NRXN3: variants seen among roughly 807,000 people sequenced by gnomAD.
NRXN3 encodes the protein neurexin III.
A neutral mutation model predicts 137.6 loss-of-function variants in NRXN3; 32 were observed. The ratio of observed to expected loss-of-function variants is 0.23; its 90% CI spans 0.18 to 0.31. NRXN3 has a LOEUF of 0.31. Among genes scored for constraint, NRXN3 ranks in the 10% least tolerant of loss-of-function variants. The pLI, the probability that NRXN3 is intolerant of heterozygous loss-of-function variation, is 1.00. For synonymous variants in NRXN3, 798 were observed against 784.5 expected, an observed-to-expected ratio of 1.02 and a Z score of -0.29; for missense variants, 1,574 against 2,062.5, an observed-to-expected ratio of 0.76 and a Z score of 4.59.
At chr14:78,749,183 T>C (rs2098629173) in intron 8 of NRXN3, among the ~76,000 whole-genome samples, 2 of 152,218 alleles carry the variant, frequency 1.3e-5, no homozygotes, top group African/African-American at 4.8e-5. Context: ...CTGGCTCTAC[T>C]GTGGGCCTCC....
chr14:78,549,168 G>A (rs1013170038), intron 4 of NRXN3, among the ~76,000 whole-genome samples: 4 of 152,236 alleles, frequency 2.6e-5, no homozygotes, highest in South Asian at 4.1e-4. Context: ...GAGAAGCCAG[G>A]TCCAACCTAA....
intron 2 of NRXN3, among the ~76,000 whole-genome samples, chr14:78,251,475 G>A (rs986327795): frequency 6.6e-6 from 1 of 152,168 alleles, no homozygotes; most frequent in Non-Finnish European, 1.5e-5. Context: ...TAAGCAACAG[G>A]TCCCACCTCT....
At chr14:78,675,975 G>T (rs1256265512) in intron 6 of NRXN3, among the ~76,000 whole-genome samples, 1 of 151,968 alleles carries the variant, frequency 6.6e-6, no homozygotes, top group East Asian at 1.9e-4. Flanking sequence ...ATTGTTTTGG[G>T]GTGCCATCAC....
chr14:79,569,722 C>G (rs979149112), intron 16 of NRXN3, among the ~76,000 whole-genome samples: 4 of 151,792 alleles, frequency 2.6e-5, no homozygotes, highest in African/African-American at 4.8e-5. Flanking sequence ...GATTCTCATG[C>G]CTCAGCCTCC....
At chr14:78,575,537 A>T (rs1239901949) in intron 4 of NRXN3, among the ~76,000 whole-genome samples, 1 of 152,252 alleles carries the variant, frequency 6.6e-6, no homozygotes, top group African/African-American at 2.4e-5. Context: ...TGGTTCATTC[A>T]TGCAACAAAT....
intron 9 of NRXN3, among the ~76,000 whole-genome samples, chr14:78,805,058 A>T (rs905950779): frequency 3.3e-5 from 5 of 152,188 alleles, no homozygotes; most frequent in African/African-American, 1.2e-4. Flanking sequence ...TACCAATCTT[A>T]TCTGCTGTCA....
At chr14:79,628,195 T>C (rs1435752746) in intron 16 of NRXN3, among the ~76,000 whole-genome samples, 4 of 152,226 alleles carry the variant, frequency 2.6e-5, no homozygotes, top group Non-Finnish European at 5.9e-5. Context: ...ATGTTTTATA[T>C]GATCAATTCA....
intron 10 of NRXN3, among the ~76,000 whole-genome samples, chr14:78,815,325 C>A (rs1195372201): frequency 5.9e-5 from 9 of 152,120 alleles, no homozygotes; most frequent in Non-Finnish European, 1.2e-4. Context: ...CCTATATAAG[C>A]TGATACCTTT....
intron 16 of NRXN3, among the ~76,000 whole-genome samples, chr14:79,534,964 T>C (rs112850754): frequency 5.2e-4 from 79 of 152,272 alleles, no homozygotes; most frequent in African/African-American, 1.8e-3. Flanking sequence ...ACATTGGTAG[T>C]AGAAGTGTAC....
chr14:78,714,302 T>C (rs2098422022), intron 7 of NRXN3, among the ~76,000 whole-genome samples: 1 of 152,156 alleles, frequency 6.6e-6, no homozygotes, highest in African/African-American at 2.4e-5. Flanking sequence ...GCACTTTGCA[T>C]ATATTCACTC....
chr14:78,609,583 C>T (rs1446510307), intron 4 of NRXN3, among the ~76,000 whole-genome samples: 1 of 152,138 alleles, frequency 6.6e-6, no homozygotes, highest in Non-Finnish European at 1.5e-5. Context: ...CTGGCCTGAT[C>T]TCATACTAGC....
intron 10 of NRXN3, among the ~76,000 whole-genome samples, chr14:78,945,010 C>G (rs2099362403): frequency 6.6e-6 from 1 of 152,150 alleles, no homozygotes; most frequent in African/African-American, 2.4e-5. Context: ...CAGCTCTGAA[C>G]AATCTGAAAG....
intron 15 of NRXN3, among the ~76,000 whole-genome samples, chr14:79,126,705 G>T (rs1338748702): frequency 1.3e-5 from 2 of 151,892 alleles, no homozygotes; most frequent in African/African-American, 4.8e-5. Flanking sequence ...TGGGATGGCT[G>T]GGTCAAATGG....
intron 19 of NRXN3, among the ~76,000 whole-genome samples, chr14:79,738,787 G>A (rs2098950909): frequency 6.6e-6 from 1 of 152,078 alleles, no homozygotes; most frequent in African/African-American, 2.4e-5. Context: ...TAGAACTCCT[G>A]ACCCCAAGTG....
intron 4 of NRXN3, among the ~76,000 whole-genome samples, chr14:78,439,347 A>G (rs959462916): frequency 4.6e-5 from 7 of 152,202 alleles, no homozygotes; most frequent in African/African-American, 1.7e-4. Context: ...GTCTGTTTAA[A>G]ACAAGGGCAT....
intron 16 of NRXN3, among the ~76,000 whole-genome samples, chr14:79,575,397 A>C (rs535017099): frequency 1.3e-5 from 2 of 152,272 alleles, no homozygotes; most frequent in South Asian, 2.1e-4. Context: ...GAGCAGGGAG[A>C]GTGAATTCAG....
intron 4 of NRXN3, among the ~76,000 whole-genome samples, chr14:78,315,204 G>C (rs541500683): frequency 6.6e-6 from 1 of 151,754 alleles, no homozygotes; most frequent in Admixed American, 6.6e-5. Context: ...TGTTGGCCAG[G>C]CTGGTTTTGA....
chr14:79,272,717 G>C (rs150187006), intron 15 of NRXN3, among the ~76,000 whole-genome samples: 1 of 152,246 alleles, frequency 6.6e-6, no homozygotes, highest in African/African-American at 2.4e-5. Flanking sequence ...TGCATTACCT[G>C]GTTCCAGGGA....
chr14:79,521,027 T>A (rs1461804894), intron 16 of NRXN3, among the ~76,000 whole-genome samples: 1 of 152,180 alleles, frequency 6.6e-6, no homozygotes, highest in Non-Finnish European at 1.5e-5. Context: ...CAAATGCCCA[T>A]CAATGATAGA....
Sources: gnomAD v4.1 joint callset for allele counts (sites outside exome capture counted in the v4.1 genomes callset) on GRCh38, gnomAD v4.1.1 for gene constraint, MANE v1.5 for transcripts, NCBI Gene and HGNC (gene_info 2026-07-23, HGNC 2026-07-21) for gene names.